Variants in SPATA9 observed in about 807,000 individuals in gnomAD.
The protein encoded by SPATA9 is spermatogenesis-associated protein 9.
In SPATA9, 27 loss-of-function variants were observed where a neutral mutation model predicts 25.5. That is an observed-to-expected ratio of 1.06 (90% CI 0.78 to 1.46). SPATA9 has a LOEUF of 1.46. Ranked by LOEUF, SPATA9 falls within the 40% of genes most tolerant of loss-of-function variation. SPATA9 has a pLI of 0.00. For synonymous variants in SPATA9, 102 were observed against 105.7 expected, an observed-to-expected ratio of 0.97 and a Z score of 0.21; for missense variants, 282 against 297.5, an observed-to-expected ratio of 0.95 and a Z score of 0.38.
chr5:95,708,944 A>G, the SPATA9 span: 1 of 255,606 alleles, frequency 3.9e-6, no homozygotes, highest in East Asian at 1.1e-4. Flanking sequence ...GTTTCACCCG[A>G]CTTAGGCGCA....
chr5:95,704,853 C>T, the SPATA9 span, among the ~76,000 whole-genome samples: 1 of 152,096 alleles, frequency 6.6e-6, no homozygotes, highest in African/African-American at 2.4e-5. Context: ...ATGCTGCATC[C>T]TCATATAGTG....
At chr5:95,680,502 A>G (rs1561412841) in intron 2 of SPATA9, among the ~76,000 whole-genome samples, 1 of 152,088 alleles carries the variant, frequency 6.6e-6, no homozygotes. Flanking sequence ...CTCCACTTCA[A>G]TGGCTTTCAT....
the SPATA9 span, among the ~76,000 whole-genome samples, chr5:95,730,578 G>T: frequency 6.6e-6 from 1 of 152,092 alleles, no homozygotes; most frequent in Non-Finnish European, 1.5e-5. Flanking sequence ...TTAAATATGT[G>T]GCCATAACGT....
At chr5:95,700,511 G>T (rs979093638), upstream of SPATA9, among the ~76,000 whole-genome samples, 1 of 152,104 alleles carries the variant, frequency 6.6e-6, no homozygotes, top group Admixed American at 6.6e-5. Flanking sequence ...CGTCGGTCAG[G>T]CTGGTCTTGA....
chr5:95,664,076 TAAA>T (rs1358524319), intron 3 of SPATA9, 28 bp from the exon 4 acceptor site: 12 of 1,354,940 alleles, frequency 8.9e-6, no homozygotes, highest in Admixed American at 2.2e-5. Flanking sequence ...ATTTTCTTAA[TAAA>T]CAAACATTTT....
chr5:95,725,401 G>A, the SPATA9 span, among the ~76,000 whole-genome samples: 3 of 152,222 alleles, frequency 2.0e-5, no homozygotes, highest in South Asian at 6.2e-4. Flanking sequence ...AATGAAAAAT[G>A]AATAATCATT....
the SPATA9 span, chr5:95,708,697 C>G: frequency 2.9e-6 from 2 of 692,680 alleles, no homozygotes; most frequent in South Asian, 3.0e-5. Flanking sequence ...AAGGTTGACA[C>G]TTTCTGCTCC....
At chr5:95,731,193 G>A in the SPATA9 span, 6 of 1,004,448 alleles carry the variant, frequency 6.0e-6, no homozygotes, top group Non-Finnish European at 7.1e-6. Flanking sequence ...GGAGCTCCCG[G>A]GGCCTCCGCG....
chr5:95,686,194 T>C (rs1580352615), upstream of SPATA9, among the ~76,000 whole-genome samples: 1 of 152,206 alleles, frequency 6.6e-6, no homozygotes, highest in East Asian at 1.9e-4. Context: ...AGGGCTATTC[T>C]GAATAGTATA....
the SPATA9 span, among the ~76,000 whole-genome samples, chr5:95,709,704 A>G: frequency 0.23 from 34,612 of 152,152 alleles, 4,192 homozygotes; most frequent in East Asian, 0.5. Context: ...CAGTCCATCC[A>G]GAGAAGGTGT....
chr5:95,731,432 C>T, the SPATA9 span: 1 of 1,198,052 alleles, frequency 8.3e-7, no homozygotes, highest in Non-Finnish European at 1.0e-6. Context: ...CCGCGCCCGG[C>T]GATGTTCCCG....
At chr5:95,652,951 T>C, downstream of SPATA9, 1 of 888,106 alleles carries the variant, frequency 1.1e-6, no homozygotes, top group Non-Finnish European at 1.7e-6. Context: ...TCCTGCTTTA[T>C]ACTCTTCAGT....
chr5:95,703,259 T>C (rs1265938435), upstream of SPATA9, among the ~76,000 whole-genome samples: 1 of 152,258 alleles, frequency 6.6e-6, no homozygotes, highest in Non-Finnish European at 1.5e-5. Flanking sequence ...AGATACTTTC[T>C]GAATGTCTAC....
At chr5:95,724,967 CAATT>C in the SPATA9 span, among the ~76,000 whole-genome samples, 1 of 151,502 alleles carries the variant, frequency 6.6e-6, no homozygotes, top group Admixed American at 6.6e-5. Flanking sequence ...GTGAGAGAAT[CAATT>C]GAGTCTAGCC....
At chr5:95,656,493 T>C (rs1217143991), downstream of SPATA9, 1 of 540,448 alleles carries the variant, frequency 1.9e-6, no homozygotes, top group Non-Finnish European at 3.2e-6. Flanking sequence ...TCAGGATCAA[T>C]AGAATACATT....
chr5:95,732,070 G>A, the SPATA9 span: 2 of 1,614,142 alleles, frequency 1.2e-6, no homozygotes, highest in Non-Finnish European at 1.7e-6. Flanking sequence ...GGTGGTCCAC[G>A]ACTGTCCCGT....
At chr5:95,731,298 C>G in the SPATA9 span, 8 of 1,041,368 alleles carry the variant, frequency 7.7e-6, no homozygotes, top group Admixed American at 5.7e-5. Flanking sequence ...CCCCGACCCC[C>G]CTTCTCTGCT....
intron 2 of SPATA9, among the ~76,000 whole-genome samples, 189 bp downstream of exon 2, chr5:95,682,339 C>G (rs1753537192): frequency 6.6e-6 from 1 of 152,154 alleles, no homozygotes; most frequent in East Asian, 1.9e-4. Context: ...ACTTCTTGGT[C>G]CACAATCTCT....
At position 95,658,458 on chromosome 5, in the gene SPATA9, CTCT is replaced by C; in HGVS notation, c.*162_*164del. 1 of 586,576 alleles carries C rather than the reference CTCT, an allele frequency of 1.7e-6. No homozygotes were observed. Among genetic ancestry groups the C allele is most frequent in the Non-Finnish European group, 2.5e-6 (1 of 405,822 alleles). The allele number at this position is 586,576 out of a possible 1,614,324, so 36.3% of individuals were successfully genotyped here. On this transcript the variant is annotated 3_prime_UTR_variant, in exon 5 of 5. Transcript: ENST00000274432. ...TCCACATCAATATTCATTTTATTTA[CTCT>C]ATCATGTAAATACTAGAAAATGACA...
Sources: allele counts gnomAD v4.1 joint callset (sites outside exome capture counted in the v4.1 genomes callset), GRCh38; gene constraint gnomAD v4.1.1; transcripts MANE v1.5; gene names NCBI Gene and HGNC (gene_info 2026-07-23, HGNC 2026-07-21).